Variants in MTERF4 observed in about 807,000 individuals in gnomAD.
MTERF4 encodes the protein mitochondrial transcription termination factor 4.
In MTERF4, 17 loss-of-function variants were observed where a neutral mutation model predicts 22.5. The ratio of observed to expected loss-of-function variants is 0.75; its 90% CI spans 0.52 to 1.13. MTERF4 has a LOEUF of 1.13. Among genes scored for constraint, MTERF4 ranks in the 50% most tolerant of loss-of-function variants. The pLI is 0.00. For missense variants in MTERF4, 420 were observed against 466.8 expected, an observed-to-expected ratio of 0.90 and a Z score of 0.92; for synonymous variants, 165 against 175.3, an observed-to-expected ratio of 0.94 and a Z score of 0.47.
At position 241,075,508 on chromosome 2, in the gene MTERF4, G is replaced by C. The variant is rs190477169; in HGVS notation, n.654C>G. 2 of 152,334 alleles carry C rather than the reference G, an allele frequency of 1.3e-5. No individual in the cohort carries two copies. Among genetic ancestry groups the C allele is most frequent in the East Asian group, 3.9e-4 (2 of 5,182 alleles). 9.4% of individuals were successfully genotyped at this position (152,334 alleles called of 1,614,324 possible). A position where few individuals can be genotyped will look rare whatever the true frequency, so the allele number is the denominator to read the frequency against. On this transcript the variant is annotated non_coding_transcript_exon_variant, in exon 5 of 5. Transcript: ENST00000464344. The surrounding 1 kb of genome is among the most constrained non-coding windows in gnomAD (Gnocchi z 4.8). ...TCATGGGCATCCACCAAAGGTGTTT[G>C]CTTCTGTGAAATGCCTGATCACGCC...
the MTERF4 span, chr2:241,064,852 C>A: frequency 6.3e-7 from 1 of 1,585,912 alleles, no homozygotes; most frequent in Non-Finnish European, 8.5e-7. This position sits in a 1 kb window ranked among gnomAD's most constrained non-coding sequence, Gnocchi z 7.0. Flanking sequence ...AGTGAGTGAC[C>A]CCTGCTTCTC....
In MTERF4 at chr2:241,099,512, C is replaced by A; in HGVS notation, c.404G>T (p.Gly135Val). ...LDIISEFILLGLNPEPVCVVL... is the reference protein window; with the variant it reads ...LDIISEFILLVLNPEPVCVVL... ...CACACACACAGGCTCTGGATTCAGA[C>A]CCAAGAGAATAAATTCTGAAATGAT... Residue 135 changes from glycine to valine, a missense_variant, in exon 2 of 4, where the codon GGT becomes GTT. By Grantham distance (109) the Gly-to-Val change is moderately radical. Coordinates refer to ENST00000391980, the MANE Select transcript of MTERF4 (RefSeq NM_182501.4). The A allele has an allele frequency of 6.2e-7, 1 of 1,614,190 alleles. No homozygotes were observed. The highest frequency in any genetic ancestry group is 8.5e-7 in the Non-Finnish European group (1 of 1,180,028).
downstream of MTERF4, chr2:241,071,432 CT>C: frequency 1.1e-6 from 1 of 945,724 alleles, no homozygotes. Flanking sequence ...CCACAAGCAC[CT>C]TGGATGACCA....
Position 241,102,277 on chromosome 2 carries a change from G to C in MTERF4, c.-4C>G. On this transcript the variant is annotated 5_prime_UTR_variant, in exon 1 of 4. Coordinates refer to ENST00000391980, the MANE Select transcript of MTERF4 (RefSeq NM_182501.4). ...CCTGACGGCCGAACGCAGCCATAGCGCGGAGAAGATGGCAGCAGTTACGGC... is the reference window on the plus strand; with the variant it reads ...CCTGACGGCCGAACGCAGCCATAGCCCGGAGAAGATGGCAGCAGTTACGGC... 1 of 1,549,494 alleles carries C rather than the reference G, an allele frequency of 6.5e-7. No homozygotes were observed. The highest frequency in any genetic ancestry group is 1.7e-4 in the Middle Eastern group (1 of 5,988).
At chr2:241,085,085 G>A (rs1390281192), downstream of MTERF4, among the ~76,000 whole-genome samples, 1 of 151,988 alleles carries the variant, frequency 6.6e-6, no homozygotes, top group Non-Finnish European at 1.5e-5. Context: ...TAATTATGAT[G>A]TGCTTCTCGG....
exon 5 of MTERF4, chr2:241,074,859 C>A (rs999000681): frequency 1.3e-5 from 2 of 152,196 alleles, no homozygotes; most frequent in Admixed American, 6.5e-5. Context: ...CCATCATACT[C>A]CCTGTTCTCT....
rs2125388059 is a variant in MTERF4, at chr2:241,099,836, G to A, written c.80C>T (p.Pro27Leu). Residue 27 changes from proline (P) to leucine (L), a missense_variant, in exon 2 of 4, where the codon CCT becomes CTT. By Grantham distance (98) the Pro-to-Leu change is moderately conservative. Transcript: ENST00000391980. ...CGTCCTTCTCTGTTCTCCAAGATGA[G>A]GAGTCTGCCTAGCCATACAGGCCCA... ...LTWACMARQT[P>L]HLGEQRRTTA... is the part of the protein sequence containing the mutation. 6.2e-7 allele frequency: 1 copy of A among 1,614,004 alleles called. No homozygotes were observed. Among genetic ancestry groups the A allele is most frequent in the Non-Finnish European group, 8.5e-7 (1 of 1,180,032 alleles).
downstream of MTERF4, chr2:241,093,452 CTTA>C (rs1170196660): frequency 1.2e-3 from 166 of 136,730 alleles, no homozygotes; most frequent in Non-Finnish European, 1.6e-3. Flanking sequence ...CCAGTGTTAG[CTTA>C]GAAGCCTTGT....
chr2:241,084,867 T>G (rs1559313599), downstream of MTERF4, among the ~76,000 whole-genome samples: 1 of 152,194 alleles, frequency 6.6e-6, no homozygotes, highest in African/African-American at 2.4e-5. Context: ...TCACCTTCAT[T>G]TTTGAAGAAT....
the MTERF4 span, chr2:241,063,515 A>C: frequency 1.0e-6 from 1 of 974,108 alleles, no homozygotes; most frequent in Non-Finnish European, 1.6e-6. Flanking sequence ...CAGGAAATGC[A>C]CGGAATCCTG....
At chr2:241,081,517 GCT>G (rs1559309288) in intron 4 of MTERF4, among the ~76,000 whole-genome samples, 1 of 152,218 alleles carries the variant, frequency 6.6e-6, no homozygotes, top group African/African-American at 2.4e-5. Flanking sequence ...CTGGGACCAC[GCT>G]CTAGGGCCCA....
At chr2:241,052,142 C>T in the MTERF4 span, 14 of 1,613,402 alleles carry the variant, frequency 8.7e-6, no homozygotes, top group East Asian at 6.7e-5. Flanking sequence ...CTTCTCCGGG[C>T]GGCACTGCGA....
chr2:241,070,335 G>A (rs999085910), downstream of MTERF4: 64 of 972,182 alleles, frequency 6.6e-5, no homozygotes, highest in Admixed American at 1.4e-4. Flanking sequence ...GTTAGCAGGG[G>A]AGGAGTCTGT....
downstream of MTERF4, chr2:241,088,161 C>T (rs1031710363): frequency 1.8e-6 from 1 of 570,158 alleles, no homozygotes; most frequent in Non-Finnish European, 3.1e-6. Flanking sequence ...CTTGTCATTC[C>T]TAAACTACTG....
chr2:241,099,884 CA>C lies in MTERF4; in HGVS notation c.31del (p.Trp11GlyfsTer4). MAAFGRQVLD[W>X]HRLIPLTWAC... is the part of the protein sequence containing the mutation. ...CCAGGTGAGGGGGATCAGGCGGTGC[CA>C]ATCAAGGACCTGTAAGACACAGGAC... On this transcript the variant is annotated frameshift_variant, in exon 2 of 4. Coordinates refer to ENST00000391980, the MANE Select transcript of MTERF4 (RefSeq NM_182501.4). LOFTEE classifies it high-confidence loss of function. 2 of 1,612,120 alleles carry C rather than the reference CA, an allele frequency of 1.2e-6. No individual in the cohort carries two copies. The highest frequency in any genetic ancestry group is 1.7e-6 in the Non-Finnish European group (2 of 1,179,972).
At chr2:241,090,111 T>C (rs2063829089), downstream of MTERF4, 3 of 1,492,480 alleles carry the variant, frequency 2.0e-6, no homozygotes, top group Non-Finnish European at 2.7e-6. Flanking sequence ...ATTTTTACTT[T>C]TTAACTCTTT....
At chr2:241,066,228 G>A in the MTERF4 span, among the ~76,000 whole-genome samples, 5 of 152,264 alleles carry the variant, frequency 3.3e-5, no homozygotes, top group East Asian at 1.9e-4. Flanking sequence ...GGGGAGGCCC[G>A]GGTTGTGCAC....
intron 4 of MTERF4, among the ~76,000 whole-genome samples, chr2:241,077,871 T>C (rs1401158283): frequency 2.0e-5 from 3 of 152,166 alleles, no homozygotes; most frequent in Admixed American, 2.0e-4. Flanking sequence ...TCTACGCTGC[T>C]GGTGGGACTG....
chr2:241,082,317 C>A (rs558175262), downstream of MTERF4: 2 of 1,613,606 alleles, frequency 1.2e-6, no homozygotes, highest in Non-Finnish European at 1.7e-6. Flanking sequence ...GGCTGTTCTC[C>A]GAGACAAAGG....
Sources: allele counts gnomAD v4.1 joint callset (sites outside exome capture counted in the v4.1 genomes callset), GRCh38; gene constraint gnomAD v4.1.1; non-coding constraint Gnocchi (gnomAD v3.1); transcripts MANE v1.5; gene names NCBI Gene and HGNC (gene_info 2026-07-23, HGNC 2026-07-21).